The following PRELID2 variants were observed in gnomAD, a reference collection of about 807,000 sequenced individuals.
PRELID2 encodes the protein PRELI domain containing 2, also known as PRELI domain-containing protein 2.
In PRELID2, 25 loss-of-function variants were observed where a neutral mutation model predicts 28.4. The observed-to-expected ratio is 0.88, with a 90% confidence interval of 0.64 to 1.23. PRELID2 has a LOEUF of 1.23. PRELID2 is among the 50% of genes most tolerant of loss of function. The pLI is 0.00. For missense variants in PRELID2, 201 were observed against 214.4 expected, an observed-to-expected ratio of 0.94 and a Z score of 0.39; for synonymous variants, 76 against 71.6, an observed-to-expected ratio of 1.06 and a Z score of -0.31.
chr5:145,709,374 T>C (rs1181966544), intron 1 of PRELID2, among the ~76,000 whole-genome samples: 1 of 152,224 alleles, frequency 6.6e-6, no homozygotes, highest in Non-Finnish European at 1.5e-5. Context: ...AATAGTTTTC[T>C]ACTTGTGGAG....
the PRELID2 span, among the ~76,000 whole-genome samples, chr5:145,277,681 C>T: frequency 6.6e-6 from 1 of 152,136 alleles, no homozygotes; most frequent in South Asian, 2.1e-4. Flanking sequence ...CTCTCAGCCT[C>T]CTCTAGGAAT....
At chr5:145,588,888 A>C (rs1307461725) in intron 1 of PRELID2, among the ~76,000 whole-genome samples, 1 of 152,124 alleles carries the variant, frequency 6.6e-6, no homozygotes, top group Non-Finnish European at 1.5e-5. Flanking sequence ...GTAAAAAAAA[A>C]AAAAATCGTC....
the PRELID2 span, among the ~76,000 whole-genome samples, chr5:145,294,120 T>A: frequency 6.6e-6 from 1 of 152,170 alleles, no homozygotes; most frequent in Admixed American, 6.6e-5. Flanking sequence ...ATTATGCACA[T>A]TATGCTTCAA....
At chr5:145,323,023 T>C in the PRELID2 span, among the ~76,000 whole-genome samples, 2,249 of 151,900 alleles carry the variant, frequency 0.015, 50 homozygotes, top group African/African-American at 0.051. Context: ...AAATACAAAA[T>C]TAAGAAACAA....
intron 1 of PRELID2, among the ~76,000 whole-genome samples, chr5:145,641,448 C>T (rs1754104928): frequency 6.6e-6 from 1 of 152,162 alleles, no homozygotes; most frequent in Non-Finnish European, 1.5e-5. Context: ...TTCGCAAACA[C>T]TAATGACAAA....
chr5:145,362,883 T>A, the PRELID2 span, among the ~76,000 whole-genome samples: 2 of 152,072 alleles, frequency 1.3e-5, no homozygotes, highest in Non-Finnish European at 2.9e-5. Context: ...AAAACCCATA[T>A]ATATGGTAGA....
chr5:145,778,048 T>G lies in PRELID2; in HGVS notation c.475-13048A>C, dbSNP rs539132252. Among the ~76,000 whole-genome samples the G allele has an allele frequency of 1.5e-4, 23 of 152,292 alleles. No homozygotes were observed. In the East Asian group the frequency reaches 4.5e-3, roughly 30 times the overall value. On this transcript the variant is annotated intron_variant, in intron 5 of 6. Coordinates refer to ENST00000683046, the MANE Select transcript of PRELID2 (RefSeq NM_205846.3). ...AGGGCCTGAAGGCTGGGGGCGGGGC[T>G]GCCAGTCCCACCAGAGTGGGAATTT... is the stretch of plus-strand genomic sequence containing the variant.
intron 1 of PRELID2, among the ~76,000 whole-genome samples, chr5:145,573,534 T>C (rs1753033274): frequency 6.6e-6 from 1 of 152,152 alleles, no homozygotes; most frequent in Middle Eastern, 3.4e-3. Context: ...ATGTGCGATG[T>C]TCCCCACCCT....
chr5:145,615,528 G>A (rs111673920), intron 1 of PRELID2, among the ~76,000 whole-genome samples: 7,421 of 145,210 alleles, frequency 0.051, 882 homozygotes, highest in African/African-American at 0.18. Context: ...GGGTTTCACC[G>A]TGTTAGCCAG....
intron 1 of PRELID2, among the ~76,000 whole-genome samples, chr5:145,491,638 T>C (rs1005519750): frequency 6.6e-6 from 1 of 152,084 alleles, no homozygotes; most frequent in African/African-American, 2.4e-5. Context: ...GTACAATAGA[T>C]CTCTTAAACA....
chr5:145,400,555 TCGAATGA>T, the PRELID2 span, among the ~76,000 whole-genome samples: 1 of 152,116 alleles, frequency 6.6e-6, no homozygotes, highest in Non-Finnish European at 1.5e-5. Flanking sequence ...GAACACGATG[TCGAATGA>T]CTAATTCCGA....
chr5:145,597,475 T>A (rs1031982127), intron 1 of PRELID2, among the ~76,000 whole-genome samples: 2 of 152,050 alleles, frequency 1.3e-5, no homozygotes, highest in Non-Finnish European at 2.9e-5. Flanking sequence ...GTAGAAAAAA[T>A]TAGTTCAGAA....
intron 1 of PRELID2, among the ~76,000 whole-genome samples, chr5:145,514,482 C>T (rs1164109339): frequency 6.6e-6 from 1 of 152,126 alleles, no homozygotes. Context: ...AATAAAGGTG[C>T]ACCCAGATTG....
chr5:145,382,188 C>T, the PRELID2 span, among the ~76,000 whole-genome samples: 1 of 151,480 alleles, frequency 6.6e-6, no homozygotes, highest in South Asian at 2.1e-4. Context: ...AACTTGAAGA[C>T]AGAGCAATAA....
intron 5 of PRELID2, among the ~76,000 whole-genome samples, chr5:145,776,261 AC>A (rs1313404905): frequency 6.6e-6 from 1 of 152,238 alleles, no homozygotes; most frequent in Non-Finnish European, 1.5e-5. Context: ...CACTGTAGAC[AC>A]TGCTGGCCTA....
chr5:145,829,348 C>G (rs1755432089), intron 1 of PRELID2, among the ~76,000 whole-genome samples: 1 of 152,128 alleles, frequency 6.6e-6, no homozygotes. Flanking sequence ...TCCTTTATTA[C>G]TCTAAGTTAG....
intron 1 of PRELID2, among the ~76,000 whole-genome samples, chr5:145,509,909 A>G (rs543336491): frequency 9.2e-5 from 14 of 152,306 alleles, no homozygotes; most frequent in African/African-American, 3.1e-4. Flanking sequence ...TCATATTTCC[A>G]AAGTTCAGAG....
chr5:145,465,225 GA>G, the PRELID2 span, among the ~76,000 whole-genome samples: 1 of 152,034 alleles, frequency 6.6e-6, no homozygotes. Flanking sequence ...AATCAGCAAA[GA>G]AGCTGCTTAA....
the PRELID2 span, among the ~76,000 whole-genome samples, chr5:145,371,572 CT>C: frequency 2.9e-4 from 44 of 151,878 alleles, no homozygotes; most frequent in African/African-American, 9.7e-4. Context: ...CTAAAATTTT[CT>C]TTTTTTGTTA....
Sources: gnomAD v4.1 joint callset for allele counts (sites outside exome capture counted in the v4.1 genomes callset) on GRCh38, gnomAD v4.1.1 for gene constraint, MANE v1.5 for transcripts, NCBI Gene and HGNC (gene_info 2026-07-23, HGNC 2026-07-21) for gene names.